The following NDEL1 variants were observed in gnomAD, a reference collection of about 807,000 sequenced individuals.
NDEL1 encodes nuclear distribution protein nudE-like 1.
NDEL1 carries 9 observed loss-of-function variants against 45.7 expected under a neutral mutation model. The observed-to-expected ratio is 0.20, with a 90% CI of 0.12 to 0.34. The LOEUF is 0.34. Among genes scored for constraint, NDEL1 ranks in the 10% least tolerant of loss-of-function variants. The pLI is 1.00. For synonymous variants in NDEL1, 133 were observed against 158.6 expected, an observed-to-expected ratio of 0.84 and a Z score of 1.21; for missense variants, 306 against 406.2, an observed-to-expected ratio of 0.75 and a Z score of 2.12.
At chr17:8,456,626 G>A (rs1910866403) in intron 7 of NDEL1, among the ~76,000 whole-genome samples, 1 of 151,428 alleles carries the variant, frequency 6.6e-6, no homozygotes, top group African/African-American at 2.4e-5. Context: ...AGCCTCCTGA[G>A]TAGCTGGGAT....
At chr17:8,472,684 T>C (rs985315305), downstream of NDEL1, among the ~76,000 whole-genome samples, 2 of 151,910 alleles carry the variant, frequency 1.3e-5, no homozygotes, top group Admixed American at 1.3e-4. Flanking sequence ...CAAGTTGTTA[T>C]CCTTCCAAAG....
downstream of NDEL1, among the ~76,000 whole-genome samples, chr17:8,472,892 C>T (rs746844915): frequency 6.6e-4 from 101 of 152,156 alleles, no homozygotes; most frequent in Non-Finnish European, 1.4e-3. Flanking sequence ...TCCTCCTCAC[C>T]GGGAACCACA....
intron 1 of NDEL1, among the ~76,000 whole-genome samples, chr17:8,443,740 CAGG>C (rs1327679725): frequency 6.6e-6 from 1 of 152,018 alleles, no homozygotes; most frequent in Non-Finnish European, 1.5e-5. Context: ...AGATGATTAA[CAGG>C]AGGTTTTTAG....
intron 1 of NDEL1, among the ~76,000 whole-genome samples, chr17:8,429,134 A>G (rs901108859): frequency 4.6e-5 from 7 of 152,176 alleles, no homozygotes; most frequent in African/African-American, 1.7e-4. Context: ...TTTGTAACCT[A>G]TATCATCTAA....
chr17:8,421,686 A>T (rs546112041), intron 1 of NDEL1, among the ~76,000 whole-genome samples: 1 of 152,200 alleles, frequency 6.6e-6, no homozygotes, highest in African/African-American at 2.4e-5. Context: ...CAGCCACAGG[A>T]AACAAATACA....
At chr17:8,444,171 G>A in intron 1 of NDEL1, 89 bp from the exon 2 acceptor site, 1 of 784,308 alleles carries the variant, frequency 1.3e-6, no homozygotes, top group Non-Finnish European at 2.2e-6. Context: ...CCTCCAAAAT[G>A]CTGCAGTTCA....
intron 1 of NDEL1, among the ~76,000 whole-genome samples, chr17:8,422,975 C>T (rs985674230): frequency 3.0e-4 from 46 of 151,886 alleles, no homozygotes; most frequent in African/African-American, 1.1e-3. Flanking sequence ...GTGATCCACC[C>T]GCCTCAGCCT....
At chr17:8,457,104 C>G (rs1206434000) in intron 7 of NDEL1, among the ~76,000 whole-genome samples, 1 of 152,168 alleles carries the variant, frequency 6.6e-6, no homozygotes, top group Non-Finnish European at 1.5e-5. Flanking sequence ...TTAAATATTT[C>G]GTATTGTAGC....
chr17:8,418,411 C>A lies in NDEL1; in HGVS notation c.-13+5142C>A, dbSNP rs147566825. ...ACCATTTGTCTTAAATTTTGCTAATCTGATAAGCAAAAAGCAAGGAGATAT... is the reference window on the plus strand; with the variant it reads ...ACCATTTGTCTTAAATTTTGCTAATATGATAAGCAAAAAGCAAGGAGATAT... On this transcript the variant is annotated intron_variant, in intron 1 of 4. Transcript: ENST00000582812. Among the ~76,000 whole-genome samples, 70 of 152,248 alleles carry A rather than the reference C, an allele frequency of 4.6e-4. 1 individual carries two copies. Among genetic ancestry groups the A allele is most frequent in the African/African-American group, 1.6e-3 (66 of 41,554 alleles).
chr17:8,469,185 T>C (rs545465062), downstream of NDEL1, among the ~76,000 whole-genome samples: 100 of 152,262 alleles, frequency 6.6e-4, no homozygotes, highest in African/African-American at 2.4e-3. Flanking sequence ...CTGCAGTGCT[T>C]GAGAGGACAA....
At chr17:8,435,686 G>T (rs1158989119), upstream of NDEL1, among the ~76,000 whole-genome samples, 3 of 152,234 alleles carry the variant, frequency 2.0e-5, no homozygotes, top group Non-Finnish European at 4.4e-5. Context: ...AAAACCAGCC[G>T]GTCGCAGAGT....
intron 1 of NDEL1, among the ~76,000 whole-genome samples, chr17:8,418,642 CTTCT>C (rs953344978): frequency 7.3e-5 from 11 of 150,944 alleles, no homozygotes; most frequent in African/African-American, 2.7e-4. Context: ...TCCTTCCTTC[CTTCT>C]TTCCTTCCTT....
intron 7 of NDEL1, among the ~76,000 whole-genome samples, chr17:8,455,415 C>T (rs933024115): frequency 3.9e-5 from 6 of 152,130 alleles, no homozygotes; most frequent in African/African-American, 9.7e-5. Context: ...CAGCCGGACG[C>T]GGTGGCTCAC....
chr17:8,416,087 G>A (rs1188506478), intron 1 of NDEL1, among the ~76,000 whole-genome samples: 6 of 152,090 alleles, frequency 3.9e-5, no homozygotes, highest in Middle Eastern at 3.2e-3. Flanking sequence ...GTGGCATTAA[G>A]TACGTTCACA....
chr17:8,467,361 A>G lies in NDEL1; in HGVS notation c.*338A>G. 1 of 476,854 alleles carries G rather than the reference A, an allele frequency of 2.1e-6. No individual in the cohort carries two copies. The allele number at this position is 476,854 out of a possible 1,614,324, so 29.5% of individuals were successfully genotyped here. On this transcript the variant is annotated 3_prime_UTR_variant, in exon 9 of 9. Transcript: ENST00000334527. This position sits in a 1 kb window ranked among gnomAD's most constrained non-coding sequence, Gnocchi z 6.3. ...TGCCCCATAGCCCCCACTCTGCTGTACTGATAGGATTTAGTTGTGTTTTAG... is the reference window on the plus strand; with the variant it reads ...TGCCCCATAGCCCCCACTCTGCTGTGCTGATAGGATTTAGTTGTGTTTTAG...
intron 1 of NDEL1, among the ~76,000 whole-genome samples, chr17:8,423,571 C>T (rs1008013586): frequency 6.6e-6 from 1 of 152,124 alleles, no homozygotes; most frequent in Non-Finnish European, 1.5e-5. Flanking sequence ...GTAATCCCAC[C>T]TATTCAGGAG....
At chr17:8,441,815 T>C (rs1000941043) in intron 1 of NDEL1, among the ~76,000 whole-genome samples, 6 of 152,198 alleles carry the variant, frequency 3.9e-5, no homozygotes, top group Admixed American at 2.0e-4. Flanking sequence ...AGCCCCTATT[T>C]CCTGCATCCC....
At chr17:8,473,615 T>C (rs1247766251) in intron 3 of NDEL1, among the ~76,000 whole-genome samples, 2 of 152,210 alleles carry the variant, frequency 1.3e-5, no homozygotes, top group Non-Finnish European at 2.9e-5. Context: ...CCTATGGTAG[T>C]GGCACAGGAG....
chr17:8,453,983 A>G (rs913467194), intron 6 of NDEL1, among the ~76,000 whole-genome samples: 1 of 152,224 alleles, frequency 6.6e-6, no homozygotes, highest in South Asian at 2.1e-4. Flanking sequence ...AGTTTTCCCT[A>G]AATGATACTA....
Sources: allele counts gnomAD v4.1 joint callset (sites outside exome capture counted in the v4.1 genomes callset), GRCh38; gene constraint gnomAD v4.1.1; non-coding constraint Gnocchi (gnomAD v3.1); transcripts MANE v1.5; gene names NCBI Gene and HGNC (gene_info 2026-07-23, HGNC 2026-07-21).